Variants in MANBA observed in about 807,000 individuals in gnomAD.
MANBA encodes beta-mannosidase.
In MANBA, 83 loss-of-function variants were observed where a neutral mutation model predicts 111.1. The ratio of observed to expected loss-of-function variants is 0.75; its 90% confidence interval spans 0.63 to 0.90. MANBA has a LOEUF of 0.90. Ranked by LOEUF, MANBA falls within the 40% of genes least tolerant of loss-of-function variation. The pLI, the probability that MANBA is intolerant of heterozygous loss-of-function variation, is 0.00. For synonymous variants in MANBA, 370 were observed against 378.7 expected, an observed-to-expected ratio of 0.98 and a Z score of 0.27; for missense variants, 1,036 against 1,069.0, an observed-to-expected ratio of 0.97 and a Z score of 0.43.
rs1730297989 is a variant in MANBA, at chr4:102,650,718, A to G, written c.1705-17T>C. 1.2e-6 allele frequency: 2 copies of G among 1,603,396 alleles called. No individual in the cohort carries two copies. Among genetic ancestry groups the G allele is most frequent in the South Asian group, 2.2e-5 (2 of 90,852 alleles). ...AGACGAGACCTTTCAAATAAAGAAT[A>G]AGAATTAGAAATCTGAAAGTTGGCA... On this transcript the variant is annotated splice_polypyrimidine_tract_variant and intron_variant, in intron 12 of 16. Transcript: ENST00000647097.
At chr4:102,633,498 C>T (rs1304465213) in intron 16 of MANBA, 1 of 398,336 alleles carries the variant, frequency 2.5e-6, no homozygotes, top group Non-Finnish European at 4.4e-6. Context: ...ACAGGGAGAA[C>T]AAGTTTCTGG....
intron 13 of MANBA, among the ~76,000 whole-genome samples, chr4:102,647,390 C>T (rs995593787): frequency 7.3e-5 from 11 of 151,208 alleles, no homozygotes; most frequent in Non-Finnish European, 1.5e-4. Flanking sequence ...AATAACTCCA[C>T]TTGCATGCCC....
In MANBA at chr4:102,735,090, T is replaced by C. The variant is rs182728828; in HGVS notation, c.178-8407A>G. Among the ~76,000 whole-genome samples the C allele has an allele frequency of 1.4e-3, 206 of 152,292 alleles. No individual in the cohort carries two copies. In the Middle Eastern group the frequency reaches 0.02, roughly 15 times the overall value. On this transcript the variant is annotated intron_variant, in intron 1 of 16. Transcript: ENST00000647097. ...GACAGAGCCAGGCCTCACCTGTTTGTTTAGGCCAAAACGCCATGGCCATGC... is the reference window on the plus strand; with the variant it reads ...GACAGAGCCAGGCCTCACCTGTTTGCTTAGGCCAAAACGCCATGGCCATGC...
chr4:102,670,374 CAG>C (rs1731441982), intron 9 of MANBA, among the ~76,000 whole-genome samples: 1 of 151,908 alleles, frequency 6.6e-6, no homozygotes, highest in African/African-American at 2.4e-5. Flanking sequence ...GCCTGGCACT[CAG>C]AGAATATTAT....
chr4:102,675,155 A>G (rs950297106), intron 7 of MANBA, among the ~76,000 whole-genome samples: 1 of 152,210 alleles, frequency 6.6e-6, no homozygotes, highest in Non-Finnish European at 1.5e-5. Context: ...AATATCTAGA[A>G]CAGTGCATGG....
Position 102,631,652 on chromosome 4 carries a change from A to G in MANBA, c.*405T>C. On this transcript the variant is annotated 3_prime_UTR_variant, in exon 17 of 17. Coordinates refer to ENST00000647097, the MANE Select transcript of MANBA (RefSeq NM_005908.4). Reference sequence around the variant, plus strand: ...TAATAACAAAGCACTTTATTTGAGTATTCCGTATTCCCCAAAGCTAGCTGT... The same window carrying G: ...TAATAACAAAGCACTTTATTTGAGTGTTCCGTATTCCCCAAAGCTAGCTGT... The G allele has an allele frequency of 2.2e-6, 1 of 446,366 alleles. No individual in the cohort carries two copies. Among genetic ancestry groups the G allele is most frequent in the East Asian group, 3.2e-5 (1 of 31,344 alleles). 27.7% of individuals were successfully genotyped at this position (446,366 alleles called of 1,614,324 possible).
At chr4:102,713,523 C>T (rs1019230888) in intron 5 of MANBA, among the ~76,000 whole-genome samples, 2 of 152,230 alleles carry the variant, frequency 1.3e-5, no homozygotes, top group Non-Finnish European at 2.9e-5. Flanking sequence ...CCACTGACAT[C>T]TGTGAGATTT....
intron 12 of MANBA, among the ~76,000 whole-genome samples, chr4:102,651,298 TA>T (rs199925554): frequency 0.014 from 2,062 of 152,144 alleles, 61 homozygotes; most frequent in African/African-American, 0.048. Context: ...TTCTCTCCCC[TA>T]AAAAATCAAT....
chr4:102,754,002 CAAA>C (rs35420022), intron 1 of MANBA: 1,279 of 177,184 alleles, frequency 7.2e-3, no homozygotes, highest in South Asian at 0.014. Context: ...GACTCTGTCT[CAAA>C]AAAAAAAAAA....
rs1729553606 is a variant in MANBA at position 102,634,951 on chromosome 4, T to C, written c.2252A>G (p.Glu751Gly). 1 of 1,614,218 alleles carries C rather than the reference T, an allele frequency of 6.2e-7. No individual in the cohort carries two copies. The highest frequency in any genetic ancestry group is 1.7e-5 in the Admixed American group (1 of 60,024). ...CCTCAGCAATTCAGACACTGGCTCC[T>C]CATAAAGGCAGACAGCCTCTCCTCC... is the stretch of plus-strand genomic sequence containing the variant. ...MKGGEAVCLY[E>G]EPVSELLRRC... is the part of the protein sequence containing the mutation. The change falls in exon 16 of 17, where the codon GAG becomes GGG. Residue 751 changes from glutamate (E) to glycine (G), a missense_variant. Transcript: ENST00000647097.
intron 12 of MANBA, among the ~76,000 whole-genome samples, chr4:102,657,103 A>G (rs1730588184): frequency 6.6e-6 from 1 of 152,056 alleles, no homozygotes. Flanking sequence ...CAATAAAGCT[A>G]TTTTAAGAAG....
At chr4:102,730,640 G>C (rs1722998423) in intron 1 of MANBA, 1 of 541,262 alleles carries the variant, frequency 1.8e-6, no homozygotes, top group Non-Finnish European at 3.7e-6. Flanking sequence ...GCCGCCTCCA[G>C]CTCAGTAGTC....
chr4:102,685,938 AAG>A (rs1732190429), intron 7 of MANBA, among the ~76,000 whole-genome samples: 1 of 152,002 alleles, frequency 6.6e-6, no homozygotes, highest in Admixed American at 6.6e-5. Context: ...CTGAAGACTG[AAG>A]ACTGAAGGCC....
intron 11 of MANBA, chr4:102,659,106 T>C (rs1161184493): frequency 6.6e-6 from 1 of 152,218 alleles, no homozygotes; most frequent in Non-Finnish European, 1.5e-5. Flanking sequence ...CAAGTACTTA[T>C]ACAACAAATC....
intron 1 of MANBA, chr4:102,728,849 C>G (rs1162373809): frequency 7.0e-6 from 6 of 860,154 alleles, no homozygotes; most frequent in East Asian, 2.6e-5. Context: ...GCTGAAGGAG[C>G]TGGAGCCCAC....
At chr4:102,662,432 C>T (rs1188214606) in intron 11 of MANBA, among the ~76,000 whole-genome samples, 5 of 151,292 alleles carry the variant, frequency 3.3e-5, no homozygotes, top group African/African-American at 7.3e-5. Context: ...CCCAGCTACT[C>T]GGGAGGCTGA....
chr4:102,673,153 T>C (rs1446658006), intron 8 of MANBA, among the ~76,000 whole-genome samples: 1 of 152,180 alleles, frequency 6.6e-6, no homozygotes, highest in African/African-American at 2.4e-5. Context: ...ACACACGAGA[T>C]TTTGTTTAGT....
chr4:102,729,142 C>T (rs562646440), intron 1 of MANBA: 58 of 728,912 alleles, frequency 8.0e-5, no homozygotes, highest in Non-Finnish European at 1.3e-4. Context: ...CCTTAACAGC[C>T]AGCCCCCTGT....
At chr4:102,674,770 G>A (rs774217218) in intron 7 of MANBA, among the ~76,000 whole-genome samples, 14 of 152,156 alleles carry the variant, frequency 9.2e-5, no homozygotes, top group African/African-American at 1.4e-4. Context: ...AGATAGAGAA[G>A]CTTTGACATT....
Sources: gnomAD v4.1 joint callset for allele counts (sites outside exome capture counted in the v4.1 genomes callset) on GRCh38, gnomAD v4.1.1 for gene constraint, MANE v1.5 for transcripts, NCBI Gene and HGNC (gene_info 2026-07-23, HGNC 2026-07-21) for gene names.